Variants in STAG1 observed in about 807,000 individuals in gnomAD.
STAG1 encodes the protein cohesin subunit SA-1.
Under a neutral mutation model 170.9 loss-of-function variants are expected in STAG1, and 26 were observed. That is an observed-to-expected ratio of 0.15 (90% CI 0.11 to 0.21). STAG1 has a LOEUF of 0.21. STAG1 is among the 10% of genes least tolerant of loss of function. STAG1 has a pLI of 1.00. For synonymous variants in STAG1, 514 were observed against 497.7 expected, an observed-to-expected ratio of 1.03 and a Z score of -0.44; for missense variants, 964 against 1,509.5, an observed-to-expected ratio of 0.64 and a Z score of 5.99.
intron 5 of STAG1, among the ~76,000 whole-genome samples, chr3:136,552,920 A>C (rs1936467462): frequency 1.3e-5 from 2 of 152,228 alleles, no homozygotes; most frequent in African/African-American, 4.8e-5. Flanking sequence ...GGATTCAAAT[A>C]AATTTGAGAG....
rs1435519890 is a variant in STAG1 at position 136,542,172 on chromosome 3, G to A, written c.418C>T (p.Arg140Ter). ...ATGATTTCTGCATTCTGCATATTTCGAAACATCTCTATTCTCACAGTACCT... is the reference window on the plus strand; with the variant it reads ...ATGATTTCTGCATTCTGCATATTTCAAAACATCTCTATTCTCACAGTACCT... ...CRGTVRIEMFRNMQNAEIIRK... is the reference protein window; with the variant it reads ...CRGTVRIEMF Residue 140 changes from arginine (R) to a stop codon, truncating the protein, a stop_gained, in exon 6 of 34, where the codon CGA becomes TGA. Coordinates refer to ENST00000383202, the MANE Select transcript of STAG1 (RefSeq NM_005862.3). LOFTEE classifies it high-confidence loss of function. 1 of 1,609,068 alleles carries A rather than the reference G, an allele frequency of 6.2e-7. No homozygotes were observed. Among genetic ancestry groups the A allele is most frequent in the Non-Finnish European group, 8.5e-7 (1 of 1,179,102 alleles).
At chr3:136,594,784 T>C (rs538530747) in intron 4 of STAG1, among the ~76,000 whole-genome samples, 1 of 152,348 alleles carries the variant, frequency 6.6e-6, no homozygotes, top group African/African-American at 2.4e-5. Flanking sequence ...CCGACTTTTT[T>C]TTTGAGACAG....
At chr3:136,604,546 G>A (rs1464834773) in intron 3 of STAG1, 73 bp from the exon 4 acceptor site, 3 of 1,280,106 alleles carry the variant, frequency 2.3e-6, no homozygotes, top group Admixed American at 2.9e-5. Context: ...CACTACTATA[G>A]AAGAAATATA....
intron 12 of STAG1, among the ~76,000 whole-genome samples, chr3:136,470,026 A>G (rs1038021495): frequency 6.6e-6 from 1 of 152,244 alleles, no homozygotes; most frequent in African/African-American, 2.4e-5. Flanking sequence ...TAAAACCATA[A>G]AAACCCTAGA....
At chr3:136,401,589 C>T (rs2087327554) in intron 21 of STAG1, among the ~76,000 whole-genome samples, 1 of 152,062 alleles carries the variant, frequency 6.6e-6, no homozygotes, top group Non-Finnish European at 1.5e-5. Context: ...TTTTAATTTA[C>T]ATTTCTCTAA....
At chr3:136,611,658 CTT>C (rs760493827) in intron 3 of STAG1, among the ~76,000 whole-genome samples, 15 of 72,598 alleles carry the variant, frequency 2.1e-4, no homozygotes, top group South Asian at 5.1e-4. Flanking sequence ...CCACACCCAG[CTT>C]TTTTTTTTTT....
chr3:136,418,468 T>A (rs189227031), intron 20 of STAG1, among the ~76,000 whole-genome samples: 54 of 148,102 alleles, frequency 3.6e-4, no homozygotes, highest in Admixed American at 3.1e-3. Context: ...ATGCTCAAAT[T>A]TGAAAGAAAG....
At chr3:136,714,292 A>AT (rs1443409001) in intron 1 of STAG1, among the ~76,000 whole-genome samples, 1 of 152,156 alleles carries the variant, frequency 6.6e-6, no homozygotes, top group Non-Finnish European at 1.5e-5. Context: ...GTGTGAAAAT[A>AT]TTTTTTAAGA....
At chr3:136,584,934 C>A (rs1937734564) in intron 4 of STAG1, among the ~76,000 whole-genome samples, 2 of 152,176 alleles carry the variant, frequency 1.3e-5, no homozygotes, top group Non-Finnish European at 2.9e-5. Flanking sequence ...ACTCAATGAA[C>A]TACAACTACT....
chr3:136,475,385 G>A (rs1044105218), intron 10 of STAG1, among the ~76,000 whole-genome samples: 2 of 152,062 alleles, frequency 1.3e-5, no homozygotes, highest in Admixed American at 6.6e-5. Flanking sequence ...GACCTCAGGT[G>A]ATCCGCCTGT....
At chr3:136,581,062 C>G (rs529283634) in intron 4 of STAG1, among the ~76,000 whole-genome samples, 82 of 151,544 alleles carry the variant, frequency 5.4e-4, no homozygotes, top group African/African-American at 2.0e-3. Flanking sequence ...TTATGTTGTC[C>G]AAGCTAGTGA....
rs200108096 is a variant in STAG1, at chr3:136,381,385, TG to T, written c.2278-3634del. ...AAGTAGAAATAAAACCAGGGGAATA[TG>T]ATATCCCGGAGGTAAGAAAACATTA... On this transcript the variant is annotated intron_variant, in intron 22 of 33. Coordinates refer to ENST00000383202, the MANE Select transcript of STAG1 (RefSeq NM_005862.3). Among the ~76,000 whole-genome samples, 566 of 152,216 alleles carry T rather than the reference TG, an allele frequency of 3.7e-3. 1 individual carries two copies. The highest frequency in any genetic ancestry group is 0.031 in the Middle Eastern group (9 of 294).
intron 4 of STAG1, among the ~76,000 whole-genome samples, chr3:136,577,606 T>G (rs1195350768): frequency 3.9e-5 from 6 of 152,162 alleles, no homozygotes; most frequent in African/African-American, 1.4e-4. Context: ...CATGGACAGA[T>G]GCCTTGAAGG....
intron 9 of STAG1, among the ~76,000 whole-genome samples, chr3:136,498,272 A>T (rs1474387362): frequency 1.1e-5 from 1 of 91,832 alleles, no homozygotes; most frequent in African/African-American, 6.0e-5. Context: ...ACACACACAC[A>T]CCACACACAC....
chr3:136,716,462 CAAAAAAGAAA>C (rs1055964541), intron 1 of STAG1, among the ~76,000 whole-genome samples: 65 of 151,188 alleles, frequency 4.3e-4, no homozygotes, highest in African/African-American at 1.3e-3. Context: ...AACTCCATCT[CAAAAAAGAAA>C]AAAAAAGAAA....
At chr3:136,362,452 C>T (rs979428438) in intron 26 of STAG1, among the ~76,000 whole-genome samples, 1 of 150,544 alleles carries the variant, frequency 6.6e-6, no homozygotes, top group Non-Finnish European at 1.5e-5. Flanking sequence ...TTGATGTATA[C>T]ATCTATTTAA....
intron 1 of STAG1, among the ~76,000 whole-genome samples, chr3:136,645,921 A>G (rs1378060351): frequency 6.6e-6 from 1 of 152,202 alleles, no homozygotes; most frequent in East Asian, 1.9e-4. Flanking sequence ...ATGTCCCACA[A>G]CCATAGGCAA....
At chr3:136,720,742 T>C (rs1399148654) in intron 1 of STAG1, among the ~76,000 whole-genome samples, 1 of 152,090 alleles carries the variant, frequency 6.6e-6, no homozygotes, top group Non-Finnish European at 1.5e-5. Flanking sequence ...TGAGCCAAGA[T>C]TGTGCCATTG....
intron 9 of STAG1, among the ~76,000 whole-genome samples, chr3:136,484,401 G>A (rs963794808): frequency 2.7e-5 from 4 of 148,576 alleles, no homozygotes. Flanking sequence ...GGGGTCAGGG[G>A]TCAAGGACCC....
Sources: allele counts gnomAD v4.1 joint callset (sites outside exome capture counted in the v4.1 genomes callset), GRCh38; gene constraint gnomAD v4.1.1; transcripts MANE v1.5; gene names NCBI Gene and HGNC (gene_info 2026-07-23, HGNC 2026-07-21).